Variants in CFAP46 observed in about 807,000 individuals in gnomAD.
CFAP46 encodes the protein cilia- and flagella-associated protein 46.
In CFAP46, 245 loss-of-function variants were observed where a neutral mutation model predicts 325.7. That is an observed-to-expected ratio of 0.75 (90% CI 0.68 to 0.84). CFAP46 has a LOEUF of 0.84. CFAP46 is among the 40% of genes least tolerant of loss of function. The pLI, the probability that CFAP46 is intolerant of heterozygous loss-of-function variation, is 0.00. For synonymous variants in CFAP46, 1,523 were observed against 1,495.9 expected (o/e 1.02, Z -0.42); for missense variants, 3,346 against 3,543.0 (o/e 0.94, Z 1.41).
At position 132,885,852 on chromosome 10, in the gene CFAP46, C is replaced by T. The variant is rs1025497194; in HGVS notation, c.3412G>A (p.Val1138Met). 1 of 1,546,214 alleles carries T rather than the reference C, an allele frequency of 6.5e-7. No individual in the cohort carries two copies. The highest frequency in any genetic ancestry group is 1.4e-5 in the African/African-American group (1 of 72,696). Reference protein sequence around the residue: ...EGGLKVLDEAVQVLPRTAHRL... With the variant: ...EGGLKVLDEAMQVLPRTAHRL... Reference sequence around the variant, plus strand: ...TGGGCCGTCCTTGGCAGCACCTGCACAGCCTCGTCCAGCACCTTGAGGCCG... The same window carrying T: ...TGGGCCGTCCTTGGCAGCACCTGCATAGCCTCGTCCAGCACCTTGAGGCCG... The change falls in exon 26 of 58, where the codon GTG becomes ATG. Residue 1138 changes from valine (V) to methionine (M), a missense_variant. Val to Met is a conservative substitution (Grantham distance 21, BLOSUM62 1). Transcript: ENST00000368586.
intron 50 of CFAP46, among the ~76,000 whole-genome samples, chr10:132,823,003 ATGTGTGCTGTGTGTGC>A (rs1450973913): frequency 1.2e-4 from 10 of 85,054 alleles, no homozygotes; most frequent in Non-Finnish European, 1.5e-4. Context: ...GTGTGTGCTG[ATGTGTGCTGTGTGTGC>A]TGTGTGCTGT....
Position 132,832,391 on chromosome 10 carries a change from C to G in CFAP46, c.7117+967G>C, listed in dbSNP as rs118188186. Among the ~76,000 whole-genome samples the G allele has an allele frequency of 1.9e-4, 26 of 135,282 alleles. No homozygotes were observed. Among genetic ancestry groups the G allele is most frequent in the African/African-American group, 4.2e-4 (15 of 35,562 alleles). 88.8% of individuals were successfully genotyped at this position (135,282 alleles called of 152,430 possible). ...CGGAGACCCCTGGGCTCTTCCTGCC[C>G]CCCCCCCCCAATGCTGTGGCCTGGA... is the stretch of plus-strand genomic sequence containing the variant. On this transcript the variant is annotated intron_variant, in intron 50 of 57. Coordinates refer to ENST00000368586, the MANE Select transcript of CFAP46 (RefSeq NM_001200049.3). This position sits in a 1 kb window ranked among gnomAD's most constrained non-coding sequence, Gnocchi z 4.1.
chr10:132,879,314 G>A, intron 29 of CFAP46, 112 bp downstream of exon 29: 1 of 1,085,948 alleles, frequency 9.2e-7, no homozygotes, highest in Non-Finnish European at 1.3e-6. Context: ...AAGGTCTTTA[G>A]GAAATGCTGG....
intron 36 of CFAP46, 98 bp downstream of exon 36, chr10:132,860,684 C>A (rs1848708968): frequency 3.7e-6 from 5 of 1,349,010 alleles, no homozygotes; most frequent in African/African-American, 1.4e-5. Context: ...GGCGTGTCAT[C>A]AGCGGTCTGC....
In CFAP46 at chr10:132,884,649, G is replaced by A. The variant is rs1849095424; in HGVS notation, c.3627+454C>T. On this transcript the variant is annotated intron_variant, in intron 27 of 57. Transcript: ENST00000368586. The surrounding 1 kb of genome is among the most constrained non-coding windows in gnomAD (Gnocchi z 5.4). ...AGGGGAACGTCCATCTCGCCTTCCT[G>A]GGGGTGGGGAAGAGACGCCAACATC... 2.6e-5 allele frequency among the ~76,000 whole-genome samples: 4 copies of A among 152,102 alleles called. No individual in the cohort carries two copies. The South Asian group carries it at 8.3e-4, about 32-fold the overall frequency.
intron 28 of CFAP46, among the ~76,000 whole-genome samples, chr10:132,880,219 C>T (rs1849019279): frequency 6.6e-6 from 1 of 152,254 alleles, no homozygotes; most frequent in South Asian, 2.1e-4. Context: ...TCTCCGTGCG[C>T]ACCTGCGCTC....
rs1849356696 is a variant in CFAP46 at position 132,899,037 on chromosome 10, T to G, written c.3141A>C (p.Ser1047=). The G allele has an allele frequency of 6.4e-7, 1 of 1,550,582 alleles. No individual in the cohort carries two copies. Among genetic ancestry groups the G allele is most frequent in the African/African-American group, 1.4e-5 (1 of 73,164 alleles). The part of the protein sequence containing the change: ...YWNAWLPLLS[S]AVYRKKAKGA... Reference sequence around the variant, plus strand: ...CCTTGGCCTTCTTCCTGTAGACGGCTGAGGACAGCAGTGGGAGCCAGGCGT... The same window carrying G: ...CCTTGGCCTTCTTCCTGTAGACGGCGGAGGACAGCAGTGGGAGCCAGGCGT... Residue 1047 remains serine (S), a synonymous_variant, in exon 24 of 58, where the codon TCA becomes TCC. Transcript: ENST00000368586.
chr10:132,883,684 T>C (rs994276243), intron 27 of CFAP46, among the ~76,000 whole-genome samples: 1 of 152,232 alleles, frequency 6.6e-6, no homozygotes, highest in Admixed American at 6.5e-5. Flanking sequence ...ACAGCATTCC[T>C]CACAGCAGGC....
At chr10:132,844,690 C>T (rs981899448) in intron 44 of CFAP46, among the ~76,000 whole-genome samples, 1 of 152,172 alleles carries the variant, frequency 6.6e-6, no homozygotes, top group Admixed American at 6.5e-5. Flanking sequence ...ACACTGGTGT[C>T]CTTGGTCCCC....
At chr10:132,812,131 T>C (rs1306977431) in intron 55 of CFAP46, among the ~76,000 whole-genome samples, 3 of 152,330 alleles carry the variant, frequency 2.0e-5, no homozygotes, top group Middle Eastern at 3.4e-3. Flanking sequence ...CCACTCGCCC[T>C]GCGGTGTCCG....
At chr10:132,835,527 C>T in intron 46 of CFAP46, 93 bp from the exon 47 acceptor site, 7 of 1,506,618 alleles carry the variant, frequency 4.6e-6, no homozygotes, top group Non-Finnish European at 5.4e-6. Flanking sequence ...GGGCTGCTGT[C>T]CCACAGGAAA....
chr10:132,872,969 C>G, intron 31 of CFAP46, 145 bp from the exon 32 acceptor site: 1 of 859,450 alleles, frequency 1.2e-6, no homozygotes, highest in Admixed American at 2.5e-5. Flanking sequence ...CCGCACACAG[C>G]AGGTGCTCAG....
rs1029800837 is a variant in CFAP46, at chr10:132,877,219, T to C, written c.4213-258A>G. ...GCTCAGGACTCCCGAGAGCTAAGGC[T>C]CTGCAGCCTCTGCCTCCTGCGTCTC... is the stretch of plus-strand genomic sequence containing the variant. On this transcript the variant is annotated intron_variant, in intron 30 of 57. Transcript: ENST00000368586. The surrounding 1 kb of genome is among the most constrained non-coding windows in gnomAD (Gnocchi z 5.7). Among the ~76,000 whole-genome samples the C allele has an allele frequency of 5.9e-5, 9 of 152,152 alleles. No homozygotes were observed. The highest frequency in any genetic ancestry group is 2.2e-4 in the African/African-American group (9 of 41,446).
intron 25 of CFAP46, among the ~76,000 whole-genome samples, chr10:132,888,854 ACCTGCCACCTTCACCCCTGCCG>A (rs1849216624): frequency 1.7e-5 from 1 of 59,800 alleles, no homozygotes; most frequent in East Asian, 4.1e-4. Context: ...TGCCGCCTGC[ACCTGCCACCTTCACCCCTGCCG>A]CCTGCACCTG....
At chr10:132,812,406 G>A (rs964808612) in intron 55 of CFAP46, among the ~76,000 whole-genome samples, 3 of 152,208 alleles carry the variant, frequency 2.0e-5, no homozygotes, top group Admixed American at 1.3e-4. Flanking sequence ...TTAAACTAGA[G>A]GCCCTGAGGG....
intron 50 of CFAP46, among the ~76,000 whole-genome samples, chr10:132,823,452 GTGT>G (rs1161430503): frequency 7.2e-6 from 1 of 139,324 alleles, no homozygotes. Flanking sequence ...GTGCTGATGT[GTGT>G]TGTGTGTGCT....
At position 132,922,149 on chromosome 10, in the gene CFAP46, G is replaced by A. The variant is rs1289084785; in HGVS notation, c.1561C>T (p.Pro521Ser). Residue 521 changes from proline (P) to serine (S), a missense_variant, in exon 13 of 58, where the codon CCT becomes TCT. Transcript: ENST00000368586. Reference protein sequence around the residue: ...LLVNAGLALAPDAFQIVLDSE... With the variant: ...LLVNAGLALASDAFQIVLDSE... ...TCCAGCACAATCTGAAACGCGTCAG[G>A]GGCTAAGGCCAGGCCTGCATTCACC... 6.4e-7 allele frequency: 1 copy of A among 1,550,418 alleles called. No individual in the cohort carries two copies.
intron 55 of CFAP46, 61 bp from the exon 56 acceptor site, chr10:132,811,092 T>G (rs11815122): frequency 1.4e-6 from 2 of 1,421,464 alleles, no homozygotes; most frequent in East Asian, 5.0e-5. Flanking sequence ...GGGGATGGGG[T>G]GTGGGCAGGT....
intron 4 of CFAP46, among the ~76,000 whole-genome samples, chr10:132,940,736 C>A (rs1256303108): frequency 1.3e-5 from 2 of 152,208 alleles, no homozygotes; most frequent in African/African-American, 4.8e-5. Flanking sequence ...TGCCACCACG[C>A]CCGGCAGAAA....
Sources: allele counts gnomAD v4.1 joint callset (sites outside exome capture counted in the v4.1 genomes callset), GRCh38; gene constraint gnomAD v4.1.1; non-coding constraint Gnocchi (gnomAD v3.1); transcripts MANE v1.5; gene names NCBI Gene and HGNC (gene_info 2026-07-23, HGNC 2026-07-21).